Variants in ZHX1 observed in about 807,000 individuals in gnomAD.
The protein encoded by ZHX1 is zinc fingers and homeoboxes protein 1.
ZHX1 carries 20 observed loss-of-function variants against 61.8 expected under a neutral mutation model. The ratio of observed to expected loss-of-function variants is 0.32; its 90% CI spans 0.23 to 0.47. The LOEUF is 0.47. Ranked by LOEUF, ZHX1 falls within the 20% of genes least tolerant of loss-of-function variation. The pLI is 1.00. For synonymous variants in ZHX1, 318 were observed against 352.6 expected, an observed-to-expected ratio of 0.90 and a Z score of 1.10; for missense variants, 800 against 1,034.8, an observed-to-expected ratio of 0.77 and a Z score of 3.11.
intron 2 of ZHX1, among the ~76,000 whole-genome samples, chr8:123,257,679 C>T (rs1038818174): frequency 6.6e-5 from 10 of 152,142 alleles, no homozygotes; most frequent in South Asian, 2.1e-4. Context: ...CTAGAGCCCT[C>T]GCATGCACAG....
At position 123,249,365 on chromosome 8, in the gene ZHX1, G is replaced by A. The variant is rs528413423; in HGVS notation, c.*959C>T. 1 of 152,224 alleles carries A rather than the reference G, an allele frequency of 6.6e-6. No individual in the cohort carries two copies. Among genetic ancestry groups the A allele is most frequent in the Admixed American group, 6.5e-5 (1 of 15,290 alleles). 9.4% of individuals were successfully genotyped at this position (152,224 alleles called of 1,614,324 possible). On this transcript the variant is annotated 3_prime_UTR_variant, in exon 4 of 4. Transcript: ENST00000395571. ...GCTAACTTTTAACTCATTATGATCA[G>A]TTCAGAATTTTTTCTCTATTCACTG...
At chr8:123,250,466 C>T (rs536160887) in intron 3 of ZHX1, 146 bp from the exon 4 acceptor site, 1 of 319,438 alleles carries the variant, frequency 3.1e-6, no homozygotes, top group East Asian at 8.6e-5. Context: ...ATACACTAGG[C>T]TTTGTGTGCA....
In ZHX1 at chr8:123,254,912, G is replaced by A. The variant is rs927675894; in HGVS notation, c.1035C>T (p.Pro345=). Residue 345 remains proline, a synonymous_variant, in exon 3 of 4, where the codon CCC becomes CCT. Transcript: ENST00000395571. The surrounding 1 kb of genome is among the most constrained non-coding windows in gnomAD (Gnocchi z 4.1). The stretch of plus-strand genomic sequence containing the variant: ...TCCTTCTTGCCTCCTCTACTTCCTC[G>A]GGAGTCCAACTAACACCATGTTTTA... ...QRLKHGVSWT[P]EEVEEARRKQ... The A allele has an allele frequency of 8.1e-6, 13 of 1,613,972 alleles. No homozygotes were observed. The highest frequency in any genetic ancestry group is 6.7e-5 in the African/African-American group (5 of 74,882).
intron 1 of ZHX1, among the ~76,000 whole-genome samples, chr8:123,270,567 G>A (rs1038922079): frequency 1.3e-5 from 2 of 151,938 alleles, no homozygotes; most frequent in Non-Finnish European, 2.9e-5. Context: ...GATTGCTTGA[G>A]GCCAGGAGTT....
chr8:123,269,279 G>A (rs577794397), intron 1 of ZHX1, among the ~76,000 whole-genome samples: 3 of 152,232 alleles, frequency 2.0e-5, no homozygotes, highest in Admixed American at 6.5e-5. Context: ...ATATTTTACC[G>A]AATGAGTCTC....
intron 2 of ZHX1, among the ~76,000 whole-genome samples, chr8:123,259,446 A>T (rs1363406494): frequency 6.6e-6 from 1 of 152,160 alleles, no homozygotes; most frequent in Non-Finnish European, 1.5e-5. Context: ...GAAACAGGGA[A>T]TTCCTTAAAT....
intron 2 of ZHX1, among the ~76,000 whole-genome samples, chr8:123,258,743 A>C (rs573195191): frequency 1.3e-5 from 2 of 152,312 alleles, no homozygotes; most frequent in East Asian, 3.9e-4. Flanking sequence ...ACTTTAAATA[A>C]TCAAGAAAAA....
At chr8:123,264,704 C>T (rs1013553259) in intron 2 of ZHX1, among the ~76,000 whole-genome samples, 3 of 151,744 alleles carry the variant, frequency 2.0e-5, no homozygotes, top group Non-Finnish European at 4.4e-5. Flanking sequence ...ATTACAGGCG[C>T]CCGCCACCAC....
intron 2 of ZHX1, among the ~76,000 whole-genome samples, 160 bp from the exon 3 acceptor site, chr8:123,256,331 T>G (rs987797546): frequency 1.3e-5 from 2 of 152,182 alleles, no homozygotes; most frequent in African/African-American, 4.8e-5. Flanking sequence ...AAGATCAAAA[T>G]AAATCTCTCC....
intron 2 of ZHX1, among the ~76,000 whole-genome samples, chr8:123,263,335 T>C (rs1482234145): frequency 6.6e-6 from 1 of 152,088 alleles, no homozygotes; most frequent in Non-Finnish European, 1.5e-5. Context: ...TCAAAACAAT[T>C]ACAATTTTTA....
rs1825859411 is a variant in ZHX1, at chr8:123,249,517, A to G, written c.*807T>C. On this transcript the variant is annotated 3_prime_UTR_variant, in exon 4 of 4. Coordinates refer to ENST00000395571, the MANE Select transcript of ZHX1 (RefSeq NM_007222.5). Reference sequence around the variant, plus strand: ...TACATTTACTACGTGATTCTTTTTCACATTTTTGGTGCAGTATTTATTTCA... The same window carrying G: ...TACATTTACTACGTGATTCTTTTTCGCATTTTTGGTGCAGTATTTATTTCA... 1 of 152,146 alleles carries G rather than the reference A, an allele frequency of 6.6e-6. No homozygotes were observed. Among genetic ancestry groups the G allele is most frequent in the African/African-American group, 2.4e-5 (1 of 41,456 alleles). 9.4% of individuals were successfully genotyped at this position (152,146 alleles called of 1,614,324 possible).
At chr8:123,269,335 G>A (rs183786419) in intron 1 of ZHX1, among the ~76,000 whole-genome samples, 1 of 152,286 alleles carries the variant, frequency 6.6e-6, no homozygotes, top group African/African-American at 2.4e-5. Context: ...GATACCAGAG[G>A]AGCAAAAATG....
intron 1 of ZHX1, among the ~76,000 whole-genome samples, chr8:123,268,289 T>A (rs1401971870): frequency 1.3e-5 from 2 of 152,162 alleles, no homozygotes; most frequent in African/African-American, 4.8e-5. Context: ...CCAAATGGCT[T>A]TACAATCAGT....
At chr8:123,258,479 C>G (rs1307588824) in intron 2 of ZHX1, among the ~76,000 whole-genome samples, 1 of 152,154 alleles carries the variant, frequency 6.6e-6, no homozygotes, top group Non-Finnish European at 1.5e-5. Context: ...TGAGATAAAA[C>G]AAAGTCCCCC....
In ZHX1 at chr8:123,255,847, C is replaced by T. The variant is rs777987589; in HGVS notation, c.100G>A (p.Val34Met). Reference sequence around the variant, plus strand: ...CTGGTGTTTTCTACAGGTGTAAGCACAGGAGGACCTTCATCCAAATCTGAT... The same window carrying T: ...CTGGTGTTTTCTACAGGTGTAAGCATAGGAGGACCTTCATCCAAATCTGAT... ...LISDLDEGPP[V>M]LTPVENTRAE... The change falls in exon 3 of 4, where the codon GTG (valine) becomes ATG (methionine). Residue 34 changes from valine (V) to methionine (M), a missense_variant. By Grantham distance (21) the Val-to-Met change is conservative (BLOSUM62 1). Transcript: ENST00000395571. 2.5e-5 allele frequency: 40 copies of T among 1,614,072 alleles called. No homozygotes were observed. The highest frequency in any genetic ancestry group is 3.3e-5 in the Non-Finnish European group (39 of 1,180,038).
chr8:123,268,196 T>C (rs1826526614), intron 1 of ZHX1, among the ~76,000 whole-genome samples: 1 of 152,176 alleles, frequency 6.6e-6, no homozygotes, highest in African/African-American at 2.4e-5. Context: ...TTAAACAAAC[T>C]AGTAGTACTT....
At chr8:123,273,452 C>T (rs1162035562) in intron 1 of ZHX1, among the ~76,000 whole-genome samples, 2 of 152,144 alleles carry the variant, frequency 1.3e-5, no homozygotes, top group Non-Finnish European at 2.9e-5. Context: ...CACACCCCCA[C>T]GCCCCTACCA....
At chr8:123,272,747 A>C (rs530224259) in intron 1 of ZHX1, among the ~76,000 whole-genome samples, 1 of 151,934 alleles carries the variant, frequency 6.6e-6, no homozygotes, top group South Asian at 2.1e-4. Flanking sequence ...GTATACACAC[A>C]ACACACACAC....
In ZHX1 at chr8:123,250,154, G is replaced by A. The variant is rs1257158691; in HGVS notation, c.*170C>T. ...TGCAGAACTTCCACCAACTGCAGTA[G>A]TTTAACTTTGGCACAACATTAAGTT... On this transcript the variant is annotated 3_prime_UTR_variant, in exon 4 of 4. Coordinates refer to ENST00000395571, the MANE Select transcript of ZHX1 (RefSeq NM_007222.5). The A allele has an allele frequency of 2.3e-6, 1 of 426,442 alleles. No individual in the cohort carries two copies. The highest frequency in any genetic ancestry group is 4.7e-6 in the Non-Finnish European group (1 of 214,460). The allele number at this position is 426,442 out of a possible 1,614,324, so 26.4% of individuals were successfully genotyped here.
Sources: allele counts gnomAD v4.1 joint callset (sites outside exome capture counted in the v4.1 genomes callset), GRCh38; gene constraint gnomAD v4.1.1; non-coding constraint Gnocchi (gnomAD v3.1); transcripts MANE v1.5; gene names NCBI Gene and HGNC (gene_info 2026-07-23, HGNC 2026-07-21).